Variants in YAP1 observed in about 807,000 individuals in gnomAD.
YAP1 encodes transcriptional coactivator YAP1.
In YAP1, 5 loss-of-function variants were observed where a neutral mutation model predicts 56.9. That is an observed-to-expected ratio of 0.09 (90% CI 0.05 to 0.18). The LOEUF (loss-of-function observed/expected upper bound fraction) is 0.18, where lower values mean the gene tolerates loss of function less well. Ranked by LOEUF, YAP1 falls within the 10% of genes least tolerant of loss-of-function variation. The pLI is 1.00. For synonymous variants in YAP1, 265 were observed against 248.1 expected, an observed-to-expected ratio of 1.07 and a Z score of -0.64; for missense variants, 539 against 651.8, an observed-to-expected ratio of 0.83 and a Z score of 1.88.
At chr11:102,130,757 A>G (rs1288788173) in intron 2 of YAP1, among the ~76,000 whole-genome samples, 1 of 149,604 alleles carries the variant, frequency 6.7e-6, no homozygotes, top group Non-Finnish European at 1.5e-5. Flanking sequence ...GATTTAAAAA[A>G]ACTGGTAAAG....
intron 3 of YAP1, among the ~76,000 whole-genome samples, chr11:102,182,682 T>A (rs933508748): frequency 2.0e-5 from 3 of 152,230 alleles, no homozygotes; most frequent in Non-Finnish European, 4.4e-5. Flanking sequence ...ATCTTAATTC[T>A]ATGACAAAGA....
At chr11:102,127,009 G>A (rs1944071720) in intron 2 of YAP1, among the ~76,000 whole-genome samples, 1 of 152,136 alleles carries the variant, frequency 6.6e-6, no homozygotes, top group Non-Finnish European at 1.5e-5. Flanking sequence ...TTAGGTATCT[G>A]GCCAAAGAAA....
chr11:102,209,627 G>C, intron 6 of YAP1, 63 bp downstream of exon 6: 1 of 1,447,288 alleles, frequency 6.9e-7, no homozygotes, highest in Admixed American at 2.3e-5. Context: ...AATTAGGAAA[G>C]AGAAACTTAC....
At chr11:102,148,553 T>C (rs1591232270) in intron 2 of YAP1, among the ~76,000 whole-genome samples, 1 of 152,244 alleles carries the variant, frequency 6.6e-6, no homozygotes, top group East Asian at 1.9e-4. Context: ...AGTTTAAGGA[T>C]TCCATGAGAG....
chr11:102,127,243 G>A (rs185923432), intron 2 of YAP1, among the ~76,000 whole-genome samples: 1 of 152,314 alleles, frequency 6.6e-6, no homozygotes, highest in East Asian at 1.9e-4. Context: ...ATGTCTCCAG[G>A]CCATGTCAGA....
At chr11:102,204,499 A>G in intron 4 of YAP1, among the ~76,000 whole-genome samples, 2 of 152,200 alleles carry the variant, frequency 1.3e-5, no homozygotes, top group East Asian at 3.9e-4. Flanking sequence ...ATGTCAGTAG[A>G]CAATATGGAA....
At chr11:102,167,999 G>A (rs534888273) in intron 3 of YAP1, among the ~76,000 whole-genome samples, 1 of 152,192 alleles carries the variant, frequency 6.6e-6, no homozygotes, top group East Asian at 1.9e-4. Context: ...AGCCATATTT[G>A]CACCACTGCA....
chr11:102,121,079 T>G (rs1249337106), intron 2 of YAP1, among the ~76,000 whole-genome samples: 2 of 148,530 alleles, frequency 1.3e-5, no homozygotes, highest in Non-Finnish European at 1.5e-5. Context: ...TCCATGAGTT[T>G]CCTTTCCAAA....
At chr11:102,164,618 T>C (rs1176740349) in intron 3 of YAP1, among the ~76,000 whole-genome samples, 1 of 152,216 alleles carries the variant, frequency 6.6e-6, no homozygotes. Context: ...TTTGGTTGTG[T>C]CCTATTATGT....
chr11:102,193,561 G>GT (rs1241642685), intron 4 of YAP1, among the ~76,000 whole-genome samples: 1 of 152,146 alleles, frequency 6.6e-6, no homozygotes, highest in African/African-American at 2.4e-5. Context: ...CCAAGGCTGA[G>GT]TAGACATATG....
intron 2 of YAP1, among the ~76,000 whole-genome samples, chr11:102,153,040 C>T (rs146323458): frequency 2.3e-3 from 350 of 152,290 alleles, no homozygotes; most frequent in African/African-American, 7.9e-3. Context: ...GGAGACATGA[C>T]GTAGTGATCT....
At chr11:102,199,057 G>A (rs1368441434) in intron 4 of YAP1, among the ~76,000 whole-genome samples, 1 of 152,182 alleles carries the variant, frequency 6.6e-6, no homozygotes, top group South Asian at 2.1e-4. Context: ...AGAGGTATAG[G>A]AATCATCAAA....
intron 1 of YAP1, 112 bp from the exon 2 acceptor site, chr11:102,114,032 T>A: frequency 8.7e-7 from 1 of 1,155,708 alleles, no homozygotes; most frequent in East Asian, 2.5e-5. Flanking sequence ...AATGTTGAAA[T>A]TTTCCTTTGG....
In YAP1 at chr11:102,207,367, A is replaced by G. The variant is rs574958876; in HGVS notation, c.984+1293A>G. Among the ~76,000 whole-genome samples, 9 of 152,156 alleles carry G rather than the reference A, an allele frequency of 5.9e-5. No individual in the cohort carries two copies. In the East Asian group the frequency reaches 1.7e-3, roughly 29 times the overall value. On this transcript the variant is annotated intron_variant, in intron 5 of 8. Transcript: ENST00000282441. ...TCTGTGCCATTTTTTCCCTAGCTAA[A>G]TCACAGCATGCTAAGTATAGACATT... is the stretch of plus-strand genomic sequence containing the variant.
chr11:102,114,245 A>G lies in YAP1; in HGVS notation c.423A>G (p.Thr141=), dbSNP rs1392988857. Residue 141 remains threonine (T), a synonymous_variant, in exon 2 of 9, where the codon ACA becomes ACG. Transcript: ENST00000282441. ...AGTTGGGAGCTGTTTCTCCTGGGAC[A>G]CTGACCCCCACTGGAGTAGTCTCTG... ...SLQLGAVSPG[T]LTPTGVVSGP... 5 of 1,614,018 alleles carry G rather than the reference A, an allele frequency of 3.1e-6. No individual in the cohort carries two copies. The African/African-American group carries it at 5.3e-5, about 17-fold the overall frequency.
intron 2 of YAP1, among the ~76,000 whole-genome samples, chr11:102,121,361 G>T (rs1470218450): frequency 6.6e-6 from 1 of 151,696 alleles, no homozygotes; most frequent in Non-Finnish European, 1.5e-5. Context: ...AATCACCTGA[G>T]CCTGGGAAGT....
chr11:102,158,010 T>TA, intron 2 of YAP1, among the ~76,000 whole-genome samples: 1 of 152,312 alleles, frequency 6.6e-6, no homozygotes, highest in Non-Finnish European at 1.5e-5. Flanking sequence ...ATTAAATTCC[T>TA]AACGCCTAAT....
At chr11:102,144,396 A>G (rs1945199916) in intron 2 of YAP1, among the ~76,000 whole-genome samples, 1 of 152,222 alleles carries the variant, frequency 6.6e-6, no homozygotes, top group Non-Finnish European at 1.5e-5. Flanking sequence ...ACCTTATGCC[A>G]TTTTAGAACC....
intron 2 of YAP1, among the ~76,000 whole-genome samples, chr11:102,122,985 C>T (rs1943773901): frequency 6.6e-6 from 1 of 151,008 alleles, no homozygotes; most frequent in Non-Finnish European, 1.5e-5. Flanking sequence ...CAGAGGCAAG[C>T]ACTTTCCACT....
Sources: allele counts gnomAD v4.1 joint callset (sites outside exome capture counted in the v4.1 genomes callset), GRCh38; gene constraint gnomAD v4.1.1; transcripts MANE v1.5; gene names NCBI Gene and HGNC (gene_info 2026-07-23, HGNC 2026-07-21).